Variants in ZNF804A observed in about 807,000 individuals in gnomAD.
ZNF804A encodes the protein zinc finger protein 804A.
ZNF804A carries 2 observed loss-of-function variants against 16.5 expected under a neutral mutation model. The observed-to-expected ratio is 0.12, with a 90% CI of 0.05 to 0.38. The LOEUF is 0.38. Among genes scored for constraint, ZNF804A ranks in the 10% least tolerant of loss-of-function variants. ZNF804A has a pLI of 0.99. For missense variants in ZNF804A, 1,473 were observed against 1,390.7 expected (o/e 1.06, Z -0.94); for synonymous variants, 534 against 489.6 (o/e 1.09, Z -1.20).
chr2:184,765,631 C>A (rs573484611), intron 1 of ZNF804A, among the ~76,000 whole-genome samples: 1 of 146,696 alleles, frequency 6.8e-6, no homozygotes, highest in African/African-American at 2.6e-5. Flanking sequence ...GTCGTGAGCC[C>A]TTAAAAGGGA....
chr2:184,684,840 G>A (rs998226091), intron 1 of ZNF804A, among the ~76,000 whole-genome samples: 3 of 152,126 alleles, frequency 2.0e-5, no homozygotes, highest in African/African-American at 4.8e-5. Flanking sequence ...TAATTTGCTT[G>A]GGATTATGAC....
At position 184,599,059 on chromosome 2, in the gene ZNF804A, A is replaced by C. The variant is rs1193524246; in HGVS notation, c.100A>C (p.Asn34His). Residue 34 changes from asparagine to histidine, a missense_variant, in exon 1 of 4, where the codon AAC (asparagine) becomes CAC (histidine). Asn to His is a moderately conservative substitution (Grantham distance 68). Transcript: ENST00000302277. ...VFRGPLSKNGNKTLDYAEKEN... is the reference protein window; with the variant it reads ...VFRGPLSKNGHKTLDYAEKEN... ...CCGGGGCCCTCTCAGCAAGAACGGGAACAAAACTCTGGTAATCGCTTCTGT... is the reference window on the plus strand; with the variant it reads ...CCGGGGCCCTCTCAGCAAGAACGGGCACAAAACTCTGGTAATCGCTTCTGT... 6.2e-7 allele frequency: 1 copy of C among 1,611,942 alleles called. No homozygotes were observed.
chr2:184,818,758 T>C (rs1214631894), intron 1 of ZNF804A, among the ~76,000 whole-genome samples: 3 of 151,944 alleles, frequency 2.0e-5, no homozygotes, highest in African/African-American at 7.2e-5. Context: ...CAATTCTAGT[T>C]TCTGACAAAA....
At chr2:184,913,652 T>C (rs781003832) in intron 2 of ZNF804A, among the ~76,000 whole-genome samples, 10 of 152,210 alleles carry the variant, frequency 6.6e-5, no homozygotes, top group Non-Finnish European at 1.0e-4. Flanking sequence ...TCAGTTCCTG[T>C]AAACCTTTGA....
At chr2:184,850,836 T>C (rs1307730505) in intron 1 of ZNF804A, among the ~76,000 whole-genome samples, 1 of 151,812 alleles carries the variant, frequency 6.6e-6, no homozygotes, top group Non-Finnish European at 1.5e-5. Context: ...TTTTAACTTA[T>C]TTAAATGGGA....
At chr2:184,789,524 A>G (rs1694499894) in intron 1 of ZNF804A, among the ~76,000 whole-genome samples, 1 of 150,790 alleles carries the variant, frequency 6.6e-6, no homozygotes, top group Non-Finnish European at 1.5e-5. Context: ...CTTGCTATTG[A>G]TCTGTTCAAT....
chr2:184,693,832 C>T (rs1398252847), intron 1 of ZNF804A, among the ~76,000 whole-genome samples: 2 of 149,788 alleles, frequency 1.3e-5, no homozygotes, highest in Non-Finnish European at 3.0e-5. Flanking sequence ...TGAACATCAG[C>T]ATAAAAATAG....
At chr2:184,717,787 T>C (rs148711907) in intron 1 of ZNF804A, among the ~76,000 whole-genome samples, 2 of 152,338 alleles carry the variant, frequency 1.3e-5, no homozygotes, top group Non-Finnish European at 2.9e-5. Flanking sequence ...AGTGTGTCTA[T>C]CACTTCAAGT....
At chr2:184,689,540 A>G (rs943757281) in intron 1 of ZNF804A, among the ~76,000 whole-genome samples, 4 of 152,132 alleles carry the variant, frequency 2.6e-5, no homozygotes, top group Non-Finnish European at 5.9e-5. Flanking sequence ...AGTGAAAATA[A>G]TATATTTTAA....
intron 1 of ZNF804A, among the ~76,000 whole-genome samples, chr2:184,809,997 G>C (rs1336959555): frequency 6.6e-6 from 1 of 152,108 alleles, no homozygotes; most frequent in Non-Finnish European, 1.5e-5. Context: ...ATAAATGTTT[G>C]ACTTGAGCCA....
At chr2:184,849,839 G>C (rs1445710630) in intron 1 of ZNF804A, among the ~76,000 whole-genome samples, 1 of 151,962 alleles carries the variant, frequency 6.6e-6, no homozygotes, top group Non-Finnish European at 1.5e-5. Context: ...CAGATGAATG[G>C]ATAAAGAAAA....
chr2:184,864,552 T>C (rs1380503319), intron 1 of ZNF804A, among the ~76,000 whole-genome samples: 1 of 152,218 alleles, frequency 6.6e-6, no homozygotes, highest in South Asian at 2.1e-4. Flanking sequence ...CTATGTATTA[T>C]GGCAAATGTA....
chr2:184,841,926 C>T (rs545711071), intron 1 of ZNF804A, among the ~76,000 whole-genome samples: 1 of 152,164 alleles, frequency 6.6e-6, no homozygotes, highest in South Asian at 2.1e-4. Context: ...GCAAATAATC[C>T]TTCCCCTTCG....
intron 1 of ZNF804A, among the ~76,000 whole-genome samples, chr2:184,855,625 C>T (rs1450228841): frequency 6.6e-6 from 1 of 151,876 alleles, no homozygotes; most frequent in African/African-American, 2.4e-5. Context: ...TACACACACA[C>T]ACACACACAC....
At chr2:184,859,408 C>T (rs936426022) in intron 1 of ZNF804A, among the ~76,000 whole-genome samples, 1 of 151,750 alleles carries the variant, frequency 6.6e-6, no homozygotes, top group Admixed American at 6.6e-5. Context: ...TTGTTAATTT[C>T]ATTCATTGTA....
intron 1 of ZNF804A, among the ~76,000 whole-genome samples, chr2:184,657,625 T>C (rs1413423777): frequency 6.6e-6 from 1 of 152,218 alleles, no homozygotes; most frequent in Non-Finnish European, 1.5e-5. Flanking sequence ...CCTGAGTATA[T>C]GCACCCAAAT....
At chr2:184,618,392 G>A (rs183216899) in intron 1 of ZNF804A, among the ~76,000 whole-genome samples, 3 of 152,196 alleles carry the variant, frequency 2.0e-5, no homozygotes, top group Admixed American at 6.5e-5. Context: ...TAGTCAATTA[G>A]ATTATATACG....
Position 184,833,812 on chromosome 2 carries a change from C to T in ZNF804A, c.112-32557C>T, listed in dbSNP as rs137958167. On this transcript the variant is annotated intron_variant, in intron 1 of 3. Transcript: ENST00000302277. Reference sequence around the variant, plus strand: ...CCCTCCCTTAGGGTGCAGCAAACCACCATGGCACATGTGTACCTACATAAC... The same window carrying T: ...CCCTCCCTTAGGGTGCAGCAAACCATCATGGCACATGTGTACCTACATAAC... 4.2e-3 allele frequency among the ~76,000 whole-genome samples: 638 copies of T among 152,098 alleles called. 5 individuals are homozygous for T. The highest frequency in any genetic ancestry group is 0.015 in the African/African-American group (606 of 41,518).
At chr2:184,604,146 CTTTTTTTTTTTTTT>C (rs759053144) in intron 1 of ZNF804A, among the ~76,000 whole-genome samples, 8,482 of 43,752 alleles carry the variant, frequency 0.19, 1,285 homozygotes, top group Admixed American at 0.31. Flanking sequence ...ACTGCAATTA[CTTTTTTTTTTTTTT>C]TTTTTTTTTT....
Sources: allele counts gnomAD v4.1 joint callset (sites outside exome capture counted in the v4.1 genomes callset), GRCh38; gene constraint gnomAD v4.1.1; transcripts MANE v1.5; gene names NCBI Gene and HGNC (gene_info 2026-07-23, HGNC 2026-07-21).